SMCR8: variants seen among roughly 807,000 people sequenced by gnomAD.
SMCR8 encodes guanine nucleotide exchange protein SMCR8.
SMCR8 carries 30 observed loss-of-function variants against 56.6 expected under a neutral mutation model. The observed-to-expected ratio is 0.53, with a 90% CI of 0.40 to 0.72. The LOEUF is 0.72. Ranked by LOEUF, SMCR8 falls within the 30% of genes least tolerant of loss-of-function variation. The pLI, the probability that SMCR8 is intolerant of heterozygous loss-of-function variation, is 0.00. For missense variants in SMCR8, 1,198 were observed against 1,157.0 expected (o/e 1.04, Z -0.51); for synonymous variants, 538 against 456.0 (o/e 1.18, Z -2.29).
At position 18,322,966 on chromosome 17, in the gene SMCR8, T is replaced by G; in HGVS notation, c.2710T>G (p.Tyr904Asp). 6.2e-7 allele frequency: 1 copy of G among 1,614,222 alleles called. No individual in the cohort carries two copies. The highest frequency in any genetic ancestry group is 8.5e-7 in the Non-Finnish European group (1 of 1,180,042). The change falls in exon 2 of 2, where the codon TAC becomes GAC. Residue 904 changes from tyrosine (Y) to aspartate (D), a missense_variant. By Grantham distance (160) the Tyr-to-Asp change is radical. Coordinates refer to ENST00000406438, the MANE Select transcript of SMCR8 (RefSeq NM_144775.3). ...GAATGAGGATGTTAGGGTGGTCCAG[T>G]ACCTGGCTGAGCTGCTGAAGCTGCA... ...LVNEDVRVVQ[Y>D]LAELLKLHYM...
chr17:18,317,669 G>A lies in SMCR8; in HGVS notation c.1880G>A (p.Arg627His), dbSNP rs375565691. Residue 627 changes from arginine (R) to histidine (H), a missense_variant, in exon 1 of 2, where the codon CGT becomes CAT. Arg to His is a conservative substitution (Grantham distance 29, BLOSUM62 0). Coordinates refer to ENST00000406438, the MANE Select transcript of SMCR8 (RefSeq NM_144775.3). The stretch of plus-strand genomic sequence containing the variant: ...CACAGGCAGAAGGACCAGGGGTTCC[G>A]TGTAGACTTTTCAGTGGAAAATGCC... The part of the protein sequence containing the change: ...QRHRQKDQGF[R>H]VDFSVENANP... 1.7e-5 allele frequency: 28 copies of A among 1,614,174 alleles called. No homozygotes were observed. The African/African-American group carries it at 2.7e-4, about 15-fold the overall frequency.
rs779196442 is a variant in SMCR8 at position 18,317,441 on chromosome 17, A to G, written c.1652A>G (p.Asn551Ser). The G allele has an allele frequency of 1.5e-5, 25 of 1,613,972 alleles. No homozygotes were observed. Among genetic ancestry groups the G allele is most frequent in the East Asian group, 4.5e-5 (2 of 44,898 alleles). ...INEEESYPDG[N>S]EGAIRFQASI... ...GAAGAAGAATCATATCCAGATGGCA[A>G]TGAAGGAGCCATCCGCTTCCAGGCA... The change falls in exon 1 of 2, where the codon AAT becomes AGT. Residue 551 changes from asparagine (N) to serine (S), a missense_variant. Transcript: ENST00000406438.
intron 1 of SMCR8, among the ~76,000 whole-genome samples, chr17:18,322,105 G>A (rs1462225275): frequency 6.6e-6 from 1 of 152,184 alleles, no homozygotes; most frequent in African/African-American, 2.4e-5. Context: ...TCTGCCTCCT[G>A]GGTTCACAGC....
Position 18,316,458 on chromosome 17 carries a change from C to G in SMCR8, c.669C>G (p.Gly223=). ...TEIQKKANDK[G]FYSSQAIEKA... ...TCCAGAAGAAAGCCAACGACAAAGG[C>G]TTTTACTCATCTCAGGCAATTGAGA... The change falls in exon 1 of 2, where the codon GGC becomes GGG. Residue 223 remains glycine, a synonymous_variant. Coordinates refer to ENST00000406438, the MANE Select transcript of SMCR8 (RefSeq NM_144775.3). 6.2e-7 allele frequency: 1 copy of G among 1,614,124 alleles called. No individual in the cohort carries two copies. The highest frequency in any genetic ancestry group is 1.1e-5 in the South Asian group (1 of 91,072).
Position 18,323,167 on chromosome 17 carries a change from A to C in SMCR8, c.*97A>C. The C allele has an allele frequency of 9.2e-7, 1 of 1,090,530 alleles. No individual in the cohort carries two copies. 67.6% of individuals were successfully genotyped at this position (1,090,530 alleles called of 1,614,324 possible). On this transcript the variant is annotated 3_prime_UTR_variant, in exon 2 of 2. Transcript: ENST00000406438. ...ACAGTTGCCTGAGCTGGACTGTTTA[A>C]GTTTCTGGTGTCTGGCAGCATGGTT... is the stretch of plus-strand genomic sequence containing the variant.
In SMCR8 at chr17:18,326,491, C is replaced by T. The variant is rs952466935; in HGVS notation, c.*3421C>T. On this transcript the variant is annotated 3_prime_UTR_variant, in exon 2 of 2. Coordinates refer to ENST00000406438, the MANE Select transcript of SMCR8 (RefSeq NM_144775.3). ...TTGTGGCTTTTCCATAACTCATTTA[C>T]TCCAACAGTTGAAGTTACACACATT... is the stretch of plus-strand genomic sequence containing the variant. The T allele has an allele frequency of 2.0e-5, 3 of 152,384 alleles. No individual in the cohort carries two copies. Among genetic ancestry groups the T allele is most frequent in the African/African-American group, 4.8e-5 (2 of 41,588 alleles). The allele number at this position is 152,384 out of a possible 1,614,324, so 9.4% of individuals were successfully genotyped here. A position where few individuals can be genotyped will look rare whatever the true frequency, so the allele number is the denominator to read the frequency against.
At chr17:18,319,211 C>G (rs1982424755) in intron 1 of SMCR8, among the ~76,000 whole-genome samples, 1 of 152,166 alleles carries the variant, frequency 6.6e-6, no homozygotes, top group African/African-American at 2.4e-5. Flanking sequence ...TCGGACCAAC[C>G]ATCTCATTCA....
rs1982264752 is a variant in SMCR8 at position 18,316,095 on chromosome 17, C to T, written c.306C>T (p.Ser102=). The T allele has an allele frequency of 3.7e-6, 6 of 1,614,030 alleles. No homozygotes were observed. The highest frequency in any genetic ancestry group is 5.1e-6 in the Non-Finnish European group (6 of 1,180,036). ...LRIMSVDYQA[S]FVGHPPGSAY... ...TCATGTCTGTGGATTACCAGGCTTC[C>T]TTCGTGGGCCATCCTCCTGGATCTG... The change falls in exon 1 of 2, where the codon TCC becomes TCT. Residue 102 remains serine, a synonymous_variant. Transcript: ENST00000406438.
rs1046135017 is a variant in SMCR8, at chr17:18,323,597, G to A, written c.*527G>A. The A allele has an allele frequency of 6.2e-6, 1 of 161,832 alleles. No homozygotes were observed. Among genetic ancestry groups the A allele is most frequent in the Non-Finnish European group, 1.4e-5 (1 of 73,052 alleles). The allele number at this position is 161,832 out of a possible 1,614,324, so 10.0% of individuals were successfully genotyped here. A position where few individuals can be genotyped will look rare whatever the true frequency, so the allele number is the denominator to read the frequency against. ...CTTCCTGGAGCCCACTGTCCTAGGG[G>A]AGGCCCTGGACCAGCCAGTGGGGGT... On this transcript the variant is annotated 3_prime_UTR_variant, in exon 2 of 2. Coordinates refer to ENST00000406438, the MANE Select transcript of SMCR8 (RefSeq NM_144775.3).
Position 18,327,714 on chromosome 17 carries a change from C to T in SMCR8, c.*4644C>T, listed in dbSNP as rs1982720424. 6.6e-6 allele frequency: 1 copy of T among 152,366 alleles called. No individual in the cohort carries two copies. Among genetic ancestry groups the T allele is most frequent in the Non-Finnish European group, 1.5e-5 (1 of 68,038 alleles). 9.4% of individuals were successfully genotyped at this position (152,366 alleles called of 1,614,324 possible). ...AAGCTATTTTATTACTGCATGTTCC[C>T]GTCCCGTCTTGTGAATGTGAGTCCC... On this transcript the variant is annotated 3_prime_UTR_variant, in exon 2 of 2. Transcript: ENST00000406438.
chr17:18,327,093 A>C lies in SMCR8; in HGVS notation c.*4023A>C, dbSNP rs2151557122. On this transcript the variant is annotated 3_prime_UTR_variant, in exon 2 of 2. Coordinates refer to ENST00000406438, the MANE Select transcript of SMCR8 (RefSeq NM_144775.3). The stretch of plus-strand genomic sequence containing the variant: ...GTTTTTAACACTGCAAAAAGGAAAA[A>C]GCATCAAGTTTCTACTTCTGGCTGG... The C allele has an allele frequency of 6.6e-6, 1 of 152,486 alleles. No individual in the cohort carries two copies. The highest frequency in any genetic ancestry group is 1.9e-4 in the East Asian group (1 of 5,188). 9.4% of individuals were successfully genotyped at this position (152,486 alleles called of 1,614,324 possible). A position where few individuals can be genotyped will look rare whatever the true frequency, so the allele number is the denominator to read the frequency against.
chr17:18,316,000 C>A lies in SMCR8; in HGVS notation c.211C>A (p.Pro71Thr), dbSNP rs1982256971. 10 of 1,614,184 alleles carry A rather than the reference C, an allele frequency of 6.2e-6. No homozygotes were observed. Among genetic ancestry groups the A allele is most frequent in the Non-Finnish European group, 8.5e-6 (10 of 1,180,038 alleles). Residue 71 changes from proline (P) to threonine (T), a missense_variant, in exon 1 of 2, where the codon CCC becomes ACC. Pro to Thr is a conservative substitution (Grantham distance 38). Transcript: ENST00000406438. ...GTTCTCTGAGCAGGTGGGACCCCAA[C>A]CCTTACTGACCATCCCCAATGACAC... ...SEFSEQVGPQPLLTIPNDTKV... is the reference protein window; with the variant it reads ...SEFSEQVGPQTLLTIPNDTKV...
Position 18,315,935 on chromosome 17 carries a change from C to T in SMCR8, c.146C>T (p.Ser49Phe). ...GGTGCTAACCCCTGGTCAAAACTGT[C>T]CGGGGCCAAGTTTTCGAGGGACTTC... ...SQGANPWSKLSGAKFSRDFIL... is the reference protein window; with the variant it reads ...SQGANPWSKLFGAKFSRDFIL... The change falls in exon 1 of 2, where the codon TCC becomes TTC. Residue 49 changes from serine (S) to phenylalanine (F), a missense_variant. By Grantham distance (155) the Ser-to-Phe change is radical. Coordinates refer to ENST00000406438, the MANE Select transcript of SMCR8 (RefSeq NM_144775.3). The T allele has an allele frequency of 1.9e-6, 3 of 1,614,194 alleles. No individual in the cohort carries two copies. Among genetic ancestry groups the T allele is most frequent in the Non-Finnish European group, 8.5e-7 (1 of 1,180,036 alleles).
chr17:18,323,075 G>C lies in SMCR8; in HGVS notation c.*5G>C, dbSNP rs759765810. 1.9e-6 allele frequency: 3 copies of C among 1,606,796 alleles called. No individual in the cohort carries two copies. Among genetic ancestry groups the C allele is most frequent in the Non-Finnish European group, 2.6e-6 (3 of 1,175,302 alleles). On this transcript the variant is annotated 3_prime_UTR_variant, in exon 2 of 2. Coordinates refer to ENST00000406438, the MANE Select transcript of SMCR8 (RefSeq NM_144775.3). Reference sequence around the variant, plus strand: ...AGCTTTTTGTATAAAATCTGAGGTCGGTCCCAGACACTGTGACCAAGACCT... The same window carrying C: ...AGCTTTTTGTATAAAATCTGAGGTCCGTCCCAGACACTGTGACCAAGACCT...
At chr17:18,319,032 A>G (rs1217723487) in intron 1 of SMCR8, among the ~76,000 whole-genome samples, 1 of 152,214 alleles carries the variant, frequency 6.6e-6, no homozygotes, top group Admixed American at 6.5e-5. Context: ...CTGCGGGGCC[A>G]AACGGGAATG....
In SMCR8 at chr17:18,316,743, G is replaced by A. The variant is rs1390379332; in HGVS notation, c.954G>A (p.Lys318=). The part of the protein sequence containing the change: ...KAKSTKCFDK[K]LKTLEELCDT... ...AGTCCACCAAGTGTTTTGACAAGAA[G>A]TTGAAGACCTTGGAGGAGCTCTGTG... is the stretch of plus-strand genomic sequence containing the variant. The change falls in exon 1 of 2, where the codon AAG becomes AAA. Residue 318 remains lysine, a synonymous_variant. Coordinates refer to ENST00000406438, the MANE Select transcript of SMCR8 (RefSeq NM_144775.3). 1 of 1,614,200 alleles carries A rather than the reference G, an allele frequency of 6.2e-7. No homozygotes were observed. The highest frequency in any genetic ancestry group is 1.7e-5 in the Admixed American group (1 of 60,024).
rs527466079 is a variant in SMCR8 at position 18,317,835 on chromosome 17, G to A, written c.2046G>A (p.Ala682=). 95 of 1,614,114 alleles carry A rather than the reference G, an allele frequency of 5.9e-5. 1 individual carries two copies. The highest frequency in any genetic ancestry group is 3.3e-4 in the Middle Eastern group (2 of 6,062). The part of the protein sequence containing the change: ...SDTTSYVSSV[A]STSSDRIPSA... ...CCACCAGCTACGTGAGCAGTGTAGCGTCCACCAGCTCAGACAGGATCCCCT... is the reference window on the plus strand; with the variant it reads ...CCACCAGCTACGTGAGCAGTGTAGCATCCACCAGCTCAGACAGGATCCCCT... Residue 682 remains alanine, a synonymous_variant, in exon 1 of 2, where the codon GCG becomes GCA. Coordinates refer to ENST00000406438, the MANE Select transcript of SMCR8 (RefSeq NM_144775.3).
Position 18,315,699 on chromosome 17 carries a change from C to G in SMCR8, c.-91C>G. On this transcript the variant is annotated 5_prime_UTR_variant, in exon 1 of 2. Transcript: ENST00000406438. ...CGCAAAGAAGGCCGTAAGGGCTTCACTTCCTTCTCCGGAGGCCTGCCTTCT... is the reference window on the plus strand; with the variant it reads ...CGCAAAGAAGGCCGTAAGGGCTTCAGTTCCTTCTCCGGAGGCCTGCCTTCT... 260 of 1,250,116 alleles carry G rather than the reference C, an allele frequency of 2.1e-4. No individual in the cohort carries two copies. The highest frequency in any genetic ancestry group is 4.9e-4 in the Middle Eastern group (2 of 4,092). 77.4% of individuals were successfully genotyped at this position (1,250,116 alleles called of 1,614,324 possible). A position where few individuals can be genotyped will look rare whatever the true frequency, so the allele number is the denominator to read the frequency against.
intron 1 of SMCR8, among the ~76,000 whole-genome samples, chr17:18,318,513 C>T (rs1006530624): frequency 1.3e-5 from 2 of 152,170 alleles, no homozygotes; most frequent in African/African-American, 4.8e-5. Flanking sequence ...AAGCAATTCT[C>T]TTGCCTCACT....
Sources: gnomAD v4.1 joint callset for allele counts (sites outside exome capture counted in the v4.1 genomes callset) on GRCh38, gnomAD v4.1.1 for gene constraint, MANE v1.5 for transcripts, NCBI Gene and HGNC (gene_info 2026-07-23, HGNC 2026-07-21) for gene names.